The following KIAA1614 variants were observed in gnomAD, a reference collection of about 807,000 sequenced individuals.
KIAA1614 encodes uncharacterized protein KIAA1614.
Under a neutral mutation model 88.7 loss-of-function variants are expected in KIAA1614, and 76 were observed. The observed-to-expected ratio is 0.86, with a 90% CI of 0.71 to 1.04. The LOEUF (loss-of-function observed/expected upper bound fraction) is 1.04, where lower values mean the gene tolerates loss of function less well. Ranked by LOEUF, KIAA1614 falls within the 50% of genes least tolerant of loss-of-function variation. KIAA1614 has a pLI of 0.00. For missense variants in KIAA1614, 1,553 were observed against 1,582.5 expected (o/e 0.98, Z 0.32); for synonymous variants, 714 against 675.5 (o/e 1.06, Z -0.88).
Position 180,935,571 on chromosome 1 carries a change from C to T in KIAA1614, c.1662C>T (p.Pro554=), listed in dbSNP as rs1368988991. Residue 554 remains proline, a synonymous_variant, in exon 5 of 9, where the codon CCC becomes CCT. Transcript: ENST00000367588. This position sits in a 1 kb window ranked among gnomAD's most constrained non-coding sequence, Gnocchi z 6.1. ...CGCGCCCCGCCCAGGGGAAGGCGCC[C>T]CCCGTCCCCAGGACCCTCCAGGAGC... is the stretch of plus-strand genomic sequence containing the variant. ...DDPRPAQGKA[P]PVPRTLQELQ... The T allele has an allele frequency of 5.0e-6, 8 of 1,604,958 alleles. No homozygotes were observed. The Admixed American group carries it at 6.7e-5, about 13-fold the overall frequency.
intron 4 of KIAA1614, 101 bp downstream of exon 4, chr1:180,928,674 C>T: frequency 7.8e-7 from 1 of 1,274,976 alleles, no homozygotes; most frequent in East Asian, 2.5e-5. Context: ...GCTGCTCGCT[C>T]CATGTGTGTG....
At chr1:180,937,592 G>A (rs773426816) in intron 5 of KIAA1614, among the ~76,000 whole-genome samples, 21 of 152,180 alleles carry the variant, frequency 1.4e-4, no homozygotes, top group South Asian at 2.1e-4. Context: ...ATGTGACCAC[G>A]GCTCTGACAG....
At chr1:180,913,395 G>A in intron 1 of KIAA1614, 102 bp downstream of exon 1, 1 of 718,836 alleles carries the variant, frequency 1.4e-6, no homozygotes, top group Non-Finnish European at 1.9e-6. Context: ...TGGGAAGCGG[G>A]CCTCCCACGG....
chr1:180,945,186 C>T (rs912355088), intron 8 of KIAA1614, 117 bp from the exon 9 acceptor site: 2 of 1,241,076 alleles, frequency 1.6e-6, no homozygotes, highest in Non-Finnish European at 2.2e-6. Context: ...AGCAGAACCC[C>T]AGCCTCCAAT....
chr1:180,921,933 G>A (rs61811251), intron 3 of KIAA1614, among the ~76,000 whole-genome samples: 2,354 of 152,278 alleles, frequency 0.015, 26 homozygotes, highest in Middle Eastern at 0.031. Flanking sequence ...TACTGGGAAC[G>A]CAGATTGCCT....
At chr1:180,940,870 C>T (rs2102274445) in intron 6 of KIAA1614, among the ~76,000 whole-genome samples, 175 bp from the exon 7 acceptor site, 1 of 152,208 alleles carries the variant, frequency 6.6e-6, no homozygotes, top group South Asian at 2.1e-4. Context: ...AGCCACCACA[C>T]CCGGCTTCCA....
intron 4 of KIAA1614, among the ~76,000 whole-genome samples, chr1:180,932,735 G>GT (rs1329099088): frequency 6.9e-6 from 1 of 143,986 alleles, no homozygotes; most frequent in Non-Finnish European, 1.5e-5. Flanking sequence ...TTGTTTGTTT[G>GT]TTTTTTTCGA....
At chr1:180,939,217 C>T (rs1000840178) in intron 6 of KIAA1614, among the ~76,000 whole-genome samples, 5 of 152,168 alleles carry the variant, frequency 3.3e-5, no homozygotes, top group East Asian at 1.9e-4. Context: ...TGGCCAGGGC[C>T]TTCTCTTCCC....
In KIAA1614 at chr1:180,950,978, C is replaced by T. The variant is rs188185880; in HGVS notation, c.*5390C>T. On this transcript the variant is annotated 3_prime_UTR_variant, in exon 9 of 9. Coordinates refer to ENST00000367588, the MANE Select transcript of KIAA1614 (RefSeq NM_020950.2). ...CCTTGACCCTTCCCTATTTCAGCCACGTTCCTCCCTACTCCATTCACTGCC... is the reference window on the plus strand; with the variant it reads ...CCTTGACCCTTCCCTATTTCAGCCATGTTCCTCCCTACTCCATTCACTGCC... The T allele has an allele frequency of 6.2e-3, 945 of 152,458 alleles. 5 individuals are homozygous for T. Among genetic ancestry groups the T allele is most frequent in the Non-Finnish European group, 0.01 (706 of 68,128 alleles). The allele number at this position is 152,458 out of a possible 1,614,324, so 9.4% of individuals were successfully genotyped here.
chr1:180,916,468 A>G lies in KIAA1614; in HGVS notation c.365A>G (p.Lys122Arg), dbSNP rs370776464. 1 of 1,614,054 alleles carries G rather than the reference A, an allele frequency of 6.2e-7. No individual in the cohort carries two copies. The highest frequency in any genetic ancestry group is 8.5e-7 in the Non-Finnish European group (1 of 1,180,044). The change falls in exon 2 of 9, where the codon AAG (lysine) becomes AGG (arginine). Residue 122 changes from lysine (K) to arginine (R), a missense_variant. Coordinates refer to ENST00000367588, the MANE Select transcript of KIAA1614 (RefSeq NM_020950.2). ...AAGAAACCCCAATGCAGACGAGGCA[A>G]GGCAGGGAGAGCCGGGACTCCATCA... ...SPKKPQCRRG[K>R]AGRAGTPSEG...
At chr1:180,941,006 G>GGGGC in intron 6 of KIAA1614, 39 bp from the exon 7 acceptor site, 3 of 908,440 alleles carry the variant, frequency 3.3e-6, no homozygotes, top group Non-Finnish European at 4.6e-6. Flanking sequence ...CACCCTCCCG[G>GGGGC]CCCTCCCCCG....
intron 3 of KIAA1614, among the ~76,000 whole-genome samples, chr1:180,920,995 A>T (rs972377337): frequency 6.6e-6 from 1 of 152,158 alleles, no homozygotes; most frequent in Admixed American, 6.5e-5. Context: ...CTTCTTTCCC[A>T]TTTTATCCTA....
At chr1:180,931,121 T>A (rs1654188310) in intron 4 of KIAA1614, among the ~76,000 whole-genome samples, 1 of 152,230 alleles carries the variant, frequency 6.6e-6, no homozygotes, top group Non-Finnish European at 1.5e-5. Flanking sequence ...TAGCAGCAGC[T>A]GCATTTTTCT....
At position 180,916,473 on chromosome 1, in the gene KIAA1614, G is replaced by A; in HGVS notation, c.370G>A (p.Gly124Arg). 1 of 1,614,160 alleles carries A rather than the reference G, an allele frequency of 6.2e-7. No individual in the cohort carries two copies. The highest frequency in any genetic ancestry group is 8.5e-7 in the Non-Finnish European group (1 of 1,180,042). The change falls in exon 2 of 9, where the codon GGG (glycine) becomes AGG (arginine). Residue 124 changes from glycine (G) to arginine (R), a missense_variant. Gly to Arg is a moderately radical substitution (Grantham distance 125). Transcript: ENST00000367588. ...KKPQCRRGKA[G>R]RAGTPSEGSF... ...ACCCCAATGCAGACGAGGCAAGGCA[G>A]GGAGAGCCGGGACTCCATCAGAGGG... is the stretch of plus-strand genomic sequence containing the variant.
rs749199633 is a variant in KIAA1614, at chr1:180,916,328, A to G, written c.225A>G (p.Val75=). ...MAPQPPRVWG[V]QLQGPSVLES... is the part of the protein sequence containing the mutation. ...CCCAGCCTCCCAGGGTATGGGGAGT[A>G]CAGCTCCAGGGCCCCTCTGTGCTGG... The change falls in exon 2 of 9, where the codon GTA becomes GTG. Residue 75 remains valine, a synonymous_variant. Transcript: ENST00000367588. 1.9e-6 allele frequency: 3 copies of G among 1,613,998 alleles called. No homozygotes were observed. The highest frequency in any genetic ancestry group is 1.7e-5 in the Admixed American group (1 of 60,000).
At position 180,946,243 on chromosome 1, in the gene KIAA1614, C is replaced by T. The variant is rs200586062; in HGVS notation, c.*655C>T. On this transcript the variant is annotated 3_prime_UTR_variant, in exon 9 of 9. Transcript: ENST00000367588. ...CTGCGTTGAAACGGTTCCTTTCCTC[C>T]GGCTGTGGAGTATGTCTGGGCACGT... is the stretch of plus-strand genomic sequence containing the variant. 7 of 152,408 alleles carry T rather than the reference C, an allele frequency of 4.6e-5. No individual in the cohort carries two copies. In the South Asian group the frequency reaches 8.3e-4, roughly 18 times the overall value. The allele number at this position is 152,408 out of a possible 1,614,324, so 9.4% of individuals were successfully genotyped here. A position where few individuals can be genotyped will look rare whatever the true frequency, so the allele number is the denominator to read the frequency against.
chr1:180,935,247 G>T lies in KIAA1614; in HGVS notation c.1338G>T (p.Ser446=). The T allele has an allele frequency of 6.6e-7, 1 of 1,525,066 alleles. No homozygotes were observed. Among genetic ancestry groups the T allele is most frequent in the Non-Finnish European group, 8.8e-7 (1 of 1,139,394 alleles). The allele number at this position is 1,525,066 out of a possible 1,614,324, so 94.5% of individuals were successfully genotyped here. A position where few individuals can be genotyped will look rare whatever the true frequency, so the allele number is the denominator to read the frequency against. The change falls in exon 5 of 9, where the codon TCG becomes TCT. Residue 446 remains serine, a synonymous_variant. Coordinates refer to ENST00000367588, the MANE Select transcript of KIAA1614 (RefSeq NM_020950.2). This position sits in a 1 kb window ranked among gnomAD's most constrained non-coding sequence, Gnocchi z 6.1. ...GGCACAGGCCGAGGCGGGGCCCCTC[G>T]CCGTCGCACGTGCGCTTTGAGGATG... ...SGGHRPRRGP[S]PSHVRFEDES...
In KIAA1614 at chr1:180,936,662, G is replaced by A. The variant is rs1221214617; in HGVS notation, c.2753G>A (p.Ser918Asn). The A allele has an allele frequency of 6.5e-7, 1 of 1,527,428 alleles. No individual in the cohort carries two copies. The highest frequency in any genetic ancestry group is 8.8e-7 in the Non-Finnish European group (1 of 1,141,744). The allele number at this position is 1,527,428 out of a possible 1,614,324, so 94.6% of individuals were successfully genotyped here. The change falls in exon 5 of 9, where the codon AGC becomes AAC. Residue 918 changes from serine to asparagine, a missense_variant. Transcript: ENST00000367588. ...SREPEPPLEN[S>N]RDGGPQGFLG... ...GAACCGGAGCCGCCCCTGGAGAACA[G>A]CAGAGATGGTAAGGGGCTGCCGCTG...
At position 180,916,132 on chromosome 1, in the gene KIAA1614, CTCTG is replaced by C. The variant is rs745546581; in HGVS notation, c.51-16_51-13del. ...TTAGTCCTGTGCTGGGTCTTAGGAA[CTCTG>C]TCTGTTTTCTCCTCCAGAGGGCCCA... On this transcript the variant is annotated intron_variant, in intron 1 of 8. Coordinates refer to ENST00000367588, the MANE Select transcript of KIAA1614 (RefSeq NM_020950.2). 12 of 1,523,480 alleles carry C rather than the reference CTCTG, an allele frequency of 7.9e-6. No homozygotes were observed. Among genetic ancestry groups the C allele is most frequent in the African/African-American group, 2.8e-5 (2 of 71,976 alleles). 94.4% of individuals were successfully genotyped at this position (1,523,480 alleles called of 1,614,324 possible).
Sources: allele counts gnomAD v4.1 joint callset (sites outside exome capture counted in the v4.1 genomes callset), GRCh38; gene constraint gnomAD v4.1.1; non-coding constraint Gnocchi (gnomAD v3.1); transcripts MANE v1.5; gene names NCBI Gene and HGNC (gene_info 2026-07-23, HGNC 2026-07-21).